The following XKR9 variants were observed in gnomAD, a reference collection of about 807,000 sequenced individuals.
XKR9 encodes XK related 9, also known as XK-related protein 9.
A neutral mutation model predicts 32.0 loss-of-function variants in XKR9; 32 were observed. The observed-to-expected ratio is 1.00, with a 90% CI of 0.76 to 1.34. The LOEUF (loss-of-function observed/expected upper bound fraction) is 1.34. Among genes scored for constraint, XKR9 ranks in the 40% most tolerant of loss-of-function variants. The probability of loss-of-function intolerance (pLI) is 0.00; values close to 1 mark genes in which losing one functional copy is unlikely to be tolerated. For synonymous variants in XKR9, 168 were observed against 143.4 expected (o/e 1.17, Z -1.22); for missense variants, 546 against 429.7 (o/e 1.27, Z -2.39).
At chr8:70,723,440 A>C (rs1159765795) in intron 4 of XKR9, among the ~76,000 whole-genome samples, 1 of 152,086 alleles carries the variant, frequency 6.6e-6, no homozygotes, top group Non-Finnish European at 1.5e-5. Context: ...ATCTTCGTGG[A>C]TTTATCTACC....
chr8:70,705,820 CAG>C (rs1158019516), intron 3 of XKR9, among the ~76,000 whole-genome samples: 14 of 151,976 alleles, frequency 9.2e-5, no homozygotes, highest in Admixed American at 2.0e-4. Flanking sequence ...AGAGTAGAAT[CAG>C]AGAGACCAAT....
chr8:71,025,681 C>G, the XKR9 span, among the ~76,000 whole-genome samples: 2 of 152,186 alleles, frequency 1.3e-5, no homozygotes, highest in Non-Finnish European at 2.9e-5. Context: ...GACAATCTGT[C>G]CACATTCACA....
chr8:70,825,828 A>G, the XKR9 span, among the ~76,000 whole-genome samples: 3 of 152,112 alleles, frequency 2.0e-5, no homozygotes, highest in African/African-American at 7.2e-5. Context: ...GACACGGACT[A>G]TTAACTTCCT....
chr8:71,054,422 T>C, the XKR9 span, among the ~76,000 whole-genome samples: 1 of 152,214 alleles, frequency 6.6e-6, no homozygotes, highest in Admixed American at 6.5e-5. Flanking sequence ...GTAGCACTGC[T>C]GTTTTAAAAT....
chr8:70,932,250 T>A, the XKR9 span, among the ~76,000 whole-genome samples: 24 of 152,122 alleles, frequency 1.6e-4, no homozygotes, highest in East Asian at 4.6e-3. Flanking sequence ...GATGACAATA[T>A]AAGGCAGAAT....
intron 3 of XKR9, among the ~76,000 whole-genome samples, chr8:70,698,425 C>A (rs1013808244): frequency 1.3e-5 from 2 of 152,144 alleles, no homozygotes; most frequent in African/African-American, 2.4e-5. Context: ...TTTATTTCTG[C>A]CTTCATTTCA....
At chr8:71,041,382 A>T in the XKR9 span, among the ~76,000 whole-genome samples, 1 of 152,216 alleles carries the variant, frequency 6.6e-6, no homozygotes, top group Non-Finnish European at 1.5e-5. Flanking sequence ...AATGCAGGCT[A>T]TGTTTAGATT....
Position 70,735,412 on chromosome 8 carries a change from A to T in XKR9, c.*988A>T, listed in dbSNP as rs1422162603. 2 of 151,672 alleles carry T rather than the reference A, an allele frequency of 1.3e-5. No homozygotes were observed. Among genetic ancestry groups the T allele is most frequent in the African/African-American group, 4.8e-5 (2 of 41,334 alleles). The allele number at this position is 151,672 out of a possible 1,614,324, so 9.4% of individuals were successfully genotyped here. Reference sequence around the variant, plus strand: ...AATTTGTATGTTGATGGCATTTGGAAGTGGTGGGGACTTTGTTTATTTATT... The same window carrying T: ...AATTTGTATGTTGATGGCATTTGGATGTGGTGGGGACTTTGTTTATTTATT... On this transcript the variant is annotated 3_prime_UTR_variant, in exon 5 of 5. Transcript: ENST00000408926.
the XKR9 span, among the ~76,000 whole-genome samples, chr8:71,046,250 G>C: frequency 6.6e-6 from 1 of 152,190 alleles, no homozygotes; most frequent in Non-Finnish European, 1.5e-5. Context: ...GAAATGGATA[G>C]ATTATTAATA....
chr8:71,009,981 G>A, the XKR9 span, among the ~76,000 whole-genome samples: 1 of 152,198 alleles, frequency 6.6e-6, no homozygotes, highest in Non-Finnish European at 1.5e-5. Flanking sequence ...GTGGCAGAGT[G>A]AAAAGTACGG....
the XKR9 span, among the ~76,000 whole-genome samples, chr8:70,877,916 T>C: frequency 6.6e-6 from 1 of 152,138 alleles, no homozygotes; most frequent in African/African-American, 2.4e-5. Context: ...GAGAGAAAGG[T>C]CGAGTTACTC....
At chr8:70,868,328 G>A in the XKR9 span, among the ~76,000 whole-genome samples, 1 of 151,998 alleles carries the variant, frequency 6.6e-6, no homozygotes, top group Non-Finnish European at 1.5e-5. Context: ...GTCTCCATGA[G>A]GGCCCCACTC....
chr8:70,978,369 G>T, the XKR9 span, among the ~76,000 whole-genome samples: 6 of 152,166 alleles, frequency 3.9e-5, no homozygotes, highest in African/African-American at 1.4e-4. Context: ...GGAGTGGCTG[G>T]TACTAGTTTT....
chr8:71,019,030 T>G, the XKR9 span, among the ~76,000 whole-genome samples: 1 of 152,220 alleles, frequency 6.6e-6, no homozygotes, highest in Admixed American at 6.5e-5. Context: ...CCACCTAGTG[T>G]TTCTGGTGAG....
At chr8:70,848,891 A>C in the XKR9 span, among the ~76,000 whole-genome samples, 3 of 152,204 alleles carry the variant, frequency 2.0e-5, no homozygotes, top group African/African-American at 4.8e-5. Context: ...ATGCAACGAG[A>C]AAAGCTATCT....
At chr8:70,814,404 G>A in the XKR9 span, among the ~76,000 whole-genome samples, 1 of 151,530 alleles carries the variant, frequency 6.6e-6, no homozygotes, top group Non-Finnish European at 1.5e-5. Flanking sequence ...TAACAAACCT[G>A]CACATTGTGC....
chr8:71,056,495 G>A, the XKR9 span, among the ~76,000 whole-genome samples: 1 of 152,212 alleles, frequency 6.6e-6, no homozygotes, highest in Non-Finnish European at 1.5e-5. Context: ...TAGTAATTAA[G>A]AATGCAGGAT....
At chr8:70,725,806 T>A (rs1055705301) in intron 4 of XKR9, among the ~76,000 whole-genome samples, 3 of 152,126 alleles carry the variant, frequency 2.0e-5, no homozygotes, top group Non-Finnish European at 2.9e-5. Flanking sequence ...CTCAGGAGGC[T>A]GAGGCAGGAG....
the XKR9 span, among the ~76,000 whole-genome samples, chr8:71,051,806 G>T: frequency 2.0e-5 from 3 of 152,320 alleles, no homozygotes; most frequent in African/African-American, 7.2e-5. Context: ...TTATTGAATA[G>T]TATGGATTTC....
Sources: allele counts gnomAD v4.1 joint callset (sites outside exome capture counted in the v4.1 genomes callset), GRCh38; gene constraint gnomAD v4.1.1; transcripts MANE v1.5; gene names NCBI Gene and HGNC (gene_info 2026-07-23, HGNC 2026-07-21).